Variants in NUCKS1 observed in about 807,000 individuals in gnomAD.
The protein encoded by NUCKS1 is nuclear ubiquitous casein and cyclin-dependent kinase substrate 1.
Under a neutral mutation model 33.0 loss-of-function variants are expected in NUCKS1, and 2 were observed. That is an observed-to-expected ratio of 0.06 (90% CI 0.02 to 0.19). NUCKS1 has a LOEUF of 0.19. NUCKS1 is among the 10% of genes least tolerant of loss of function. The pLI is 1.00. For synonymous variants in NUCKS1, 106 were observed against 102.8 expected, an observed-to-expected ratio of 1.03 and a Z score of -0.19; for missense variants, 201 against 293.6, an observed-to-expected ratio of 0.68 and a Z score of 2.31.
intron 1 of NUCKS1, among the ~76,000 whole-genome samples, chr1:205,734,340 C>T (rs1653983863): frequency 6.6e-6 from 1 of 152,022 alleles, no homozygotes. Context: ...GAAAGACTAT[C>T]CCTTCCGTTG....
intron 1 of NUCKS1, among the ~76,000 whole-genome samples, chr1:205,743,428 T>G (rs1654231694): frequency 6.6e-6 from 1 of 152,352 alleles, no homozygotes; most frequent in South Asian, 2.1e-4. Context: ...CTCTCCCCAA[T>G]AATTAATCAC....
At chr1:205,720,316 G>A (rs1422985380) in intron 5 of NUCKS1, among the ~76,000 whole-genome samples, 185 bp downstream of exon 5, 2 of 152,186 alleles carry the variant, frequency 1.3e-5, no homozygotes, top group African/African-American at 4.8e-5. Flanking sequence ...GGGCAATCGT[G>A]AGAATCTCTG....
intron 1 of NUCKS1, among the ~76,000 whole-genome samples, chr1:205,746,162 A>T (rs1654318037): frequency 6.6e-6 from 1 of 152,014 alleles, no homozygotes; most frequent in Non-Finnish European, 1.5e-5. Flanking sequence ...TGGGTGTGGT[A>T]GTGGGCACCT....
intron 1 of NUCKS1, among the ~76,000 whole-genome samples, chr1:205,749,428 G>A (rs1294513942): frequency 6.6e-6 from 1 of 152,170 alleles, no homozygotes; most frequent in Non-Finnish European, 1.5e-5. Context: ...GGTTGGCAGT[G>A]CTGCCCCTCC....
intron 1 of NUCKS1, among the ~76,000 whole-genome samples, chr1:205,745,828 G>A (rs1238358330): frequency 6.6e-6 from 1 of 152,172 alleles, no homozygotes; most frequent in Non-Finnish European, 1.5e-5. Flanking sequence ...TTACAGGGTT[G>A]TAATAAGGAT....
intron 1 of NUCKS1, among the ~76,000 whole-genome samples, chr1:205,745,461 G>A (rs1297538841): frequency 1.3e-5 from 2 of 151,602 alleles, no homozygotes; most frequent in African/African-American, 4.8e-5. Context: ...GTGCACTCCC[G>A]CCTGGGTGAC....
chr1:205,735,297 G>A (rs1654008587), intron 1 of NUCKS1, among the ~76,000 whole-genome samples: 1 of 152,104 alleles, frequency 6.6e-6, no homozygotes, highest in African/African-American at 2.4e-5. Flanking sequence ...ACAGTATTCA[G>A]TACAGTAACA....
chr1:205,749,464 G>T (rs1474167760), intron 1 of NUCKS1, among the ~76,000 whole-genome samples: 1 of 152,034 alleles, frequency 6.6e-6, no homozygotes, highest in Admixed American at 6.5e-5. Context: ...ACCCCCGTCC[G>T]CTACAGAGAG....
intron 1 of NUCKS1, among the ~76,000 whole-genome samples, chr1:205,743,172 G>GA (rs989403085): frequency 2.6e-5 from 4 of 152,018 alleles, no homozygotes; most frequent in South Asian, 2.1e-4. Context: ...ACATTTTTGG[G>GA]AAAAAACAGG....
At chr1:205,746,925 GGGA>G (rs1654346848) in intron 1 of NUCKS1, among the ~76,000 whole-genome samples, 1 of 152,290 alleles carries the variant, frequency 6.6e-6, no homozygotes, top group African/African-American at 2.4e-5. Flanking sequence ...CTTTCAATAA[GGGA>G]GGAGGATCTC....
intron 3 of NUCKS1, among the ~76,000 whole-genome samples, chr1:205,724,696 C>T (rs1479853844): frequency 6.6e-6 from 1 of 150,724 alleles, no homozygotes; most frequent in African/African-American, 2.4e-5. Context: ...TCCATCCCCA[C>T]CCCCCCCAAA....
At chr1:205,729,925 G>C (rs760843671) in intron 1 of NUCKS1, among the ~76,000 whole-genome samples, 3 of 151,544 alleles carry the variant, frequency 2.0e-5, no homozygotes, top group Non-Finnish European at 4.4e-5. Context: ...GGAAGCTGAG[G>C]TAGGAGAATC....
intron 1 of NUCKS1, among the ~76,000 whole-genome samples, chr1:205,744,255 A>G (rs1654255602): frequency 6.6e-6 from 1 of 152,238 alleles, no homozygotes; most frequent in Admixed American, 6.5e-5. Flanking sequence ...ACAGTGGGAT[A>G]CAAATTCCTG....
chr1:205,742,713 T>C (rs901993592), intron 1 of NUCKS1, among the ~76,000 whole-genome samples: 3 of 152,110 alleles, frequency 2.0e-5, no homozygotes, highest in Non-Finnish European at 4.4e-5. Flanking sequence ...TAGTCCCAGC[T>C]ACTCGCGAGG....
intron 1 of NUCKS1, among the ~76,000 whole-genome samples, chr1:205,731,698 T>A (rs1197449418): frequency 6.6e-6 from 1 of 152,122 alleles, no homozygotes; most frequent in Non-Finnish European, 1.5e-5. Flanking sequence ...GAGACCATCC[T>A]GGCCAACGTG....
intron 3 of NUCKS1, among the ~76,000 whole-genome samples, chr1:205,726,940 C>T (rs2102434897): frequency 6.6e-6 from 1 of 152,110 alleles, no homozygotes; most frequent in East Asian, 1.9e-4. Flanking sequence ...ACTAACAAGG[C>T]AGAAATTACA....
At position 205,734,127 on chromosome 1, in the gene NUCKS1, C is replaced by A. The variant is rs561848763; in HGVS notation, c.18-4506G>T. On this transcript the variant is annotated intron_variant, in intron 1 of 6. Transcript: ENST00000367142. ...CTCCTGGCCTCAAGCAATCCTCTCACCTTAATCTCCCAAAATGCTGGGATT... is the reference window on the plus strand; with the variant it reads ...CTCCTGGCCTCAAGCAATCCTCTCAACTTAATCTCCCAAAATGCTGGGATT... Among the ~76,000 whole-genome samples, 8 of 152,138 alleles carry A rather than the reference C, an allele frequency of 5.3e-5. No homozygotes were observed. The East Asian group carries it at 1.5e-3, about 29-fold the overall frequency.
At chr1:205,734,676 C>G (rs1193067548) in intron 1 of NUCKS1, among the ~76,000 whole-genome samples, 1 of 152,056 alleles carries the variant, frequency 6.6e-6, no homozygotes, top group Non-Finnish European at 1.5e-5. Flanking sequence ...GGTGGATCAC[C>G]TGAAGTCAGG....
chr1:205,746,772 A>T (rs567079179), intron 1 of NUCKS1, among the ~76,000 whole-genome samples: 1 of 152,222 alleles, frequency 6.6e-6, no homozygotes, highest in Non-Finnish European at 1.5e-5. Flanking sequence ...AATAAATTCT[A>T]TAACAACTTG....
Sources: allele counts gnomAD v4.1 joint callset (sites outside exome capture counted in the v4.1 genomes callset), GRCh38; gene constraint gnomAD v4.1.1; transcripts MANE v1.5; gene names NCBI Gene and HGNC (gene_info 2026-07-23, HGNC 2026-07-21).